Variants in NBEA observed in about 807,000 individuals in gnomAD.
The protein encoded by NBEA is neurobeachin.
Under a neutral mutation model 343.4 loss-of-function variants are expected in NBEA, and 44 were observed. That is an observed-to-expected ratio of 0.13 (90% CI 0.10 to 0.16). The LOEUF is 0.16. Among genes scored for constraint, NBEA ranks in the 10% least tolerant of loss-of-function variants. The pLI is 1.00. For missense variants in NBEA, 2,555 were observed against 3,631.3 expected (o/e 0.70, Z 7.62); for synonymous variants, 1,175 against 1,238.7 (o/e 0.95, Z 1.08).
chr13:35,445,167 A>G (rs1468756309), intron 39 of NBEA, among the ~76,000 whole-genome samples: 3 of 152,114 alleles, frequency 2.0e-5, no homozygotes, highest in Admixed American at 6.6e-5. Flanking sequence ...CTTTATCTTG[A>G]GTTTTTTAAT....
chr13:35,521,261 G>A (rs1487362230), intron 41 of NBEA, among the ~76,000 whole-genome samples: 2 of 151,946 alleles, frequency 1.3e-5, no homozygotes, highest in East Asian at 3.9e-4. Flanking sequence ...TTCCCCTGAT[G>A]TACATTTCCT....
chr13:35,165,412 G>A (rs1378074612), intron 24 of NBEA, among the ~76,000 whole-genome samples: 1 of 152,180 alleles, frequency 6.6e-6, no homozygotes, highest in Non-Finnish European at 1.5e-5. Flanking sequence ...ACAAAGGGAA[G>A]CATTCCAGTT....
At chr13:35,294,952 T>A (rs2036025479) in intron 35 of NBEA, among the ~76,000 whole-genome samples, 1 of 151,682 alleles carries the variant, frequency 6.6e-6, no homozygotes, top group African/African-American at 2.4e-5. Flanking sequence ...AATGAGTCTG[T>A]TCAACAGTGT....
intron 41 of NBEA, among the ~76,000 whole-genome samples, chr13:35,517,555 C>T (rs982412077): frequency 2.0e-5 from 3 of 152,194 alleles, no homozygotes; most frequent in African/African-American, 7.2e-5. Flanking sequence ...TTCTTTAGCT[C>T]AGCATCAGAA....
chr13:35,131,556 T>C (rs977334257), intron 17 of NBEA, among the ~76,000 whole-genome samples: 1 of 152,200 alleles, frequency 6.6e-6, no homozygotes, highest in African/African-American at 2.4e-5. Flanking sequence ...TCTGGTAACA[T>C]ATGTCTACTG....
intron 48 of NBEA, among the ~76,000 whole-genome samples, chr13:35,616,285 C>T (rs1327970): frequency 0.23 from 34,591 of 151,910 alleles, 4,116 homozygotes; most frequent in African/African-American, 0.25. Context: ...ATAGATTGAC[C>T]TGCGAACAAA....
At chr13:35,152,667 C>T (rs925976977) in intron 18 of NBEA, among the ~76,000 whole-genome samples, 37 of 152,156 alleles carry the variant, frequency 2.4e-4, no homozygotes, top group Non-Finnish European at 7.3e-5. Flanking sequence ...AGGTGTATCT[C>T]TGTAAATAGC....
At chr13:35,025,914 A>G (rs181012266) in intron 1 of NBEA, among the ~76,000 whole-genome samples, 3 of 152,092 alleles carry the variant, frequency 2.0e-5, no homozygotes, top group African/African-American at 7.2e-5. Flanking sequence ...AAAAAATTTT[A>G]ATTAGCTCCT....
At chr13:35,556,821 T>C (rs1222964046) in intron 44 of NBEA, among the ~76,000 whole-genome samples, 1 of 152,150 alleles carries the variant, frequency 6.6e-6, no homozygotes, top group Non-Finnish European at 1.5e-5. Flanking sequence ...GTCTACGTCT[T>C]TTTGCAAATT....
intron 38 of NBEA, among the ~76,000 whole-genome samples, chr13:35,394,559 C>G (rs185416903): frequency 3.3e-5 from 5 of 152,114 alleles, no homozygotes; most frequent in Admixed American, 3.3e-4. Flanking sequence ...ATTTTTCTTG[C>G]TACATGAGCA....
At position 35,652,505 on chromosome 13, in the gene NBEA, G is replaced by C. The variant is rs148452280; in HGVS notation, c.8035+629G>C. Reference sequence around the variant, plus strand: ...AATATAAAAAAATTAGCCAGGCGCGGTGGCGGGCACCTGTAGTCCCAGCTA... The same window carrying C: ...AATATAAAAAAATTAGCCAGGCGCGCTGGCGGGCACCTGTAGTCCCAGCTA... On this transcript the variant is annotated intron_variant, in intron 53 of 58. Coordinates refer to ENST00000379939, the MANE Select transcript of NBEA (RefSeq NM_001385012.1). Among the ~76,000 whole-genome samples the C allele has an allele frequency of 6.5e-3, 980 of 150,510 alleles. 10 individuals are homozygous for C. The highest frequency in any genetic ancestry group is 0.022 in the African/African-American group (902 of 41,190).
At chr13:35,440,540 G>A (rs2045683123) in intron 39 of NBEA, among the ~76,000 whole-genome samples, 1 of 152,164 alleles carries the variant, frequency 6.6e-6, no homozygotes, top group Non-Finnish European at 1.5e-5. Context: ...CCAAGCCAAT[G>A]AGTGGGAGAG....
intron 41 of NBEA, chr13:35,474,334 TTATTA>T (rs879233608): frequency 2.6e-5 from 4 of 152,758 alleles, no homozygotes; most frequent in Non-Finnish European, 5.9e-5. Flanking sequence ...TATTCAAGCG[TTATTA>T]TATAAGCTGA....
chr13:35,605,205 G>A (rs1234352611), intron 47 of NBEA, among the ~76,000 whole-genome samples: 9 of 152,156 alleles, frequency 5.9e-5, no homozygotes, highest in African/African-American at 2.2e-4. Flanking sequence ...ACCTGTTGAT[G>A]CACCCATAAT....
intron 48 of NBEA, among the ~76,000 whole-genome samples, chr13:35,621,825 G>C (rs1233906982): frequency 6.6e-6 from 1 of 152,068 alleles, no homozygotes; most frequent in African/African-American, 2.4e-5. Flanking sequence ...AAGAGTTGTG[G>C]GAAATGCAAG....
At chr13:35,368,102 G>A (rs2041226887) in intron 38 of NBEA, among the ~76,000 whole-genome samples, 1 of 151,380 alleles carries the variant, frequency 6.6e-6, no homozygotes, top group Non-Finnish European at 1.5e-5. Flanking sequence ...TTATTTTCTT[G>A]AAAAGAATCC....
chr13:35,422,396 G>T (rs748001758), intron 38 of NBEA, among the ~76,000 whole-genome samples: 5 of 149,856 alleles, frequency 3.3e-5, no homozygotes, highest in Admixed American at 6.8e-5. Flanking sequence ...AGAACATGCG[G>T]TGTTTGGTTT....
chr13:35,554,460 G>A (rs1373189758), intron 43 of NBEA, among the ~76,000 whole-genome samples: 2 of 152,196 alleles, frequency 1.3e-5, no homozygotes, highest in African/African-American at 4.8e-5. Flanking sequence ...CTGGACCCAT[G>A]CATTTTTTCA....
chr13:35,279,740 G>A (rs1014440221), intron 34 of NBEA, among the ~76,000 whole-genome samples: 5 of 152,122 alleles, frequency 3.3e-5, no homozygotes, highest in African/African-American at 1.2e-4. Context: ...TCTTCAGTCT[G>A]TCCTTCTCAG....
Sources: gnomAD v4.1 joint callset for allele counts (sites outside exome capture counted in the v4.1 genomes callset) on GRCh38, gnomAD v4.1.1 for gene constraint, MANE v1.5 for transcripts, NCBI Gene and HGNC (gene_info 2026-07-23, HGNC 2026-07-21) for gene names.